PSMD11: variants seen among roughly 807,000 people sequenced by gnomAD.
PSMD11 encodes proteasome 26S subunit, non-ATPase 11.
In PSMD11, 5 loss-of-function variants were observed where a neutral mutation model predicts 62.3. The ratio of observed to expected loss-of-function variants is 0.08; its 90% CI spans 0.04 to 0.17. The LOEUF (loss-of-function observed/expected upper bound fraction) is 0.17. Ranked by LOEUF, PSMD11 falls within the 10% of genes least tolerant of loss-of-function variation. The pLI, the probability that PSMD11 is intolerant of heterozygous loss-of-function variation, is 1.00. For synonymous variants in PSMD11, 191 were observed against 191.8 expected, an observed-to-expected ratio of 1.00 and a Z score of 0.03; for missense variants, 310 against 512.9, an observed-to-expected ratio of 0.60 and a Z score of 3.82.
intron 8 of PSMD11, chr17:32,477,109 C>T (rs1908350682): frequency 6.3e-6 from 1 of 157,916 alleles, no homozygotes; most frequent in Non-Finnish European, 1.4e-5. Flanking sequence ...CCAAACCTAG[C>T]AGAATGAATC....
At chr17:32,472,747 G>C (rs1432663322) in intron 6 of PSMD11, among the ~76,000 whole-genome samples, 3 of 151,622 alleles carry the variant, frequency 2.0e-5, no homozygotes, top group Non-Finnish European at 4.4e-5. Flanking sequence ...ATGTTGGCCA[G>C]GCTGGTCTTG....
intron 2 of PSMD11, among the ~76,000 whole-genome samples, chr17:32,449,124 G>C (rs1662154277): frequency 6.6e-6 from 1 of 152,142 alleles, no homozygotes; most frequent in South Asian, 2.1e-4. Flanking sequence ...TTTGTTGTTA[G>C]CCAGGCGTGA....
intron 4 of PSMD11, among the ~76,000 whole-genome samples, 200 bp downstream of exon 4, chr17:32,464,320 A>G (rs1273981985): frequency 3.3e-5 from 5 of 152,230 alleles, no homozygotes; most frequent in Admixed American, 2.0e-4. Flanking sequence ...TCAGAGTAGT[A>G]AGCAACAACA....
At chr17:32,444,712 C>T (rs1907272400) in intron 1 of PSMD11, 98 bp downstream of exon 1, 15 of 1,460,392 alleles carry the variant, frequency 1.0e-5, no homozygotes, top group Non-Finnish European at 1.4e-5. Context: ...GGCTCTGATG[C>T]TGCTGACTCA....
Position 32,479,571 on chromosome 17 carries a change from T to A in PSMD11, c.1038+195T>A, listed in dbSNP as rs112151693. The A allele has an allele frequency of 3.7e-4, 293 of 799,198 alleles. 2 individuals are homozygous for A. In the African/African-American group the frequency reaches 4.3e-3, roughly 12 times the overall value. The allele number at this position is 799,198 out of a possible 1,614,324, so 49.5% of individuals were successfully genotyped here. On this transcript the variant is annotated intron_variant, in intron 10 of 13. Coordinates refer to ENST00000261712, the MANE Select transcript of PSMD11 (RefSeq NM_002815.4). Reference sequence around the variant, plus strand: ...ATGCTGTGGGTAGAGGCATGTGGGTTGCCCCTGCATGTGTTCTGAGCAGTT... The same window carrying A: ...ATGCTGTGGGTAGAGGCATGTGGGTAGCCCCTGCATGTGTTCTGAGCAGTT...
At chr17:32,457,628 G>T (rs532688604) in intron 3 of PSMD11, among the ~76,000 whole-genome samples, 1 of 152,202 alleles carries the variant, frequency 6.6e-6, no homozygotes, top group South Asian at 2.1e-4. Context: ...AATTTTTGTG[G>T]ATTATAGGTT....
intron 3 of PSMD11, among the ~76,000 whole-genome samples, chr17:32,458,252 T>C (rs2150832011): frequency 6.6e-6 from 1 of 152,290 alleles, no homozygotes; most frequent in East Asian, 1.9e-4. Flanking sequence ...AACTCAAACC[T>C]TCAGTGGCTT....
chr17:32,470,502 G>T (rs915928596), intron 6 of PSMD11, among the ~76,000 whole-genome samples: 1 of 151,998 alleles, frequency 6.6e-6, no homozygotes, highest in African/African-American at 2.4e-5. Context: ...AGTAGAGATG[G>T]GGTTTCACCA....
At chr17:32,476,078 A>G (rs1480670946) in intron 8 of PSMD11, among the ~76,000 whole-genome samples, 1 of 151,914 alleles carries the variant, frequency 6.6e-6, no homozygotes, top group African/African-American at 2.4e-5. Flanking sequence ...AGCCTGGCCA[A>G]TGTGGCAAAA....
At chr17:32,474,924 A>G in intron 8 of PSMD11, 100 bp downstream of exon 8, 2 of 1,047,696 alleles carry the variant, frequency 1.9e-6, no homozygotes, top group Non-Finnish European at 2.9e-6. Flanking sequence ...TCTTCATACT[A>G]CTCTCTTCCT....
At chr17:32,446,166 A>T (rs565854475) in intron 1 of PSMD11, 3 of 152,156 alleles carry the variant, frequency 2.0e-5, no homozygotes, top group African/African-American at 7.2e-5. Flanking sequence ...TGACGGCCTT[A>T]CTTTTTCTGG....
intron 9 of PSMD11, 23 bp downstream of exon 9, chr17:32,477,606 A>G (rs571617230): frequency 3.2e-6 from 5 of 1,585,240 alleles, no homozygotes; most frequent in African/African-American, 1.3e-5. Flanking sequence ...TTGGGTTGGT[A>G]TGGAATGTGA....
rs563997888 is a variant in PSMD11, at chr17:32,464,484, T to TC, written c.391-29dup. On this transcript the variant is annotated intron_variant, in intron 4 of 13. Transcript: ENST00000261712. ...TCTTTGATTTCTTTCTGTGGCTTTT[T>TC]CCCCCCCCTTCAATCAATGCCTTTT... 2.0e-3 allele frequency: 2,901 copies of TC among 1,485,846 alleles called. 5 individuals are homozygous for TC. The highest frequency in any genetic ancestry group is 2.4e-3 in the Non-Finnish European group (2,598 of 1,085,334). 92.0% of individuals were successfully genotyped at this position (1,485,846 alleles called of 1,614,324 possible).
At position 32,480,178 on chromosome 17, in the gene PSMD11, T is replaced by C. The variant is rs150525156; in HGVS notation, c.1107T>C (p.Ile369=). Residue 369 remains isoleucine, a synonymous_variant, in exon 12 of 14, where the codon ATT becomes ATC. Transcript: ENST00000261712. ...ADVERKLSQM[I]LDKKFHGILD... ...TGGAAAGGAAATTATCACAGATGAT[T>C]CTTGACAAGAAATTTCATGGTAAGT... The C allele has an allele frequency of 1.3e-5, 21 of 1,613,840 alleles. No individual in the cohort carries two copies. The African/African-American group carries it at 1.9e-4, about 14-fold the overall frequency.
intron 2 of PSMD11, among the ~76,000 whole-genome samples, chr17:32,454,133 G>T (rs1028315723): frequency 6.6e-6 from 1 of 152,166 alleles, no homozygotes; most frequent in Non-Finnish European, 1.5e-5. Flanking sequence ...AAGTAATTTT[G>T]TGAAGGTGGC....
Position 32,474,774 on chromosome 17 carries a change from G to T in PSMD11, c.799G>T (p.Val267Phe). The change falls in exon 8 of 14, where the codon GTC becomes TTC. Residue 267 changes from valine (V) to phenylalanine (F), a missense_variant. Val to Phe is a conservative substitution (Grantham distance 50). Transcript: ENST00000261712. ...TGTCTTTTTTTCTAGCCCAGAAGAT[G>T]TCCAGGCTTTGGTGAGCGGGAAGCT... ...CKIMLNTPED[V>F]QALVSGKLAL... 6.2e-7 allele frequency: 1 copy of T among 1,614,094 alleles called. No individual in the cohort carries two copies. The highest frequency in any genetic ancestry group is 8.5e-7 in the Non-Finnish European group (1 of 1,179,984).
intron 6 of PSMD11, 44 bp downstream of exon 6, chr17:32,469,237 A>C: frequency 1.3e-6 from 2 of 1,565,106 alleles, no homozygotes; most frequent in Non-Finnish European, 1.7e-6. Context: ...CTTAAAGCTC[A>C]TCTTATTTTA....
intron 3 of PSMD11, among the ~76,000 whole-genome samples, chr17:32,459,111 A>ATACATATATATATATAT (rs1555616110): frequency 2.3e-5 from 1 of 43,768 alleles, no homozygotes; most frequent in African/African-American, 6.5e-5. Flanking sequence ...AAAAAAAAAA[A>ATACATATATATATATAT]ATACATATAT....
intron 4 of PSMD11, 90 bp from the exon 5 acceptor site, chr17:32,464,431 T>G: frequency 2.8e-6 from 3 of 1,086,796 alleles, no homozygotes; most frequent in Non-Finnish European, 4.1e-6. Flanking sequence ...AATTGCATAT[T>G]TAACAGTAAC....
Sources: allele counts gnomAD v4.1 joint callset (sites outside exome capture counted in the v4.1 genomes callset), GRCh38; gene constraint gnomAD v4.1.1; transcripts MANE v1.5; gene names NCBI Gene and HGNC (gene_info 2026-07-23, HGNC 2026-07-21).